The following ATF7IP2 variants were observed in gnomAD, a reference collection of about 807,000 sequenced individuals.
The protein encoded by ATF7IP2 is activating transcription factor 7-interacting protein 2.
A neutral mutation model predicts 64.2 loss-of-function variants in ATF7IP2; 42 were observed. The observed-to-expected ratio is 0.65, with a 90% CI of 0.51 to 0.85. ATF7IP2 has a LOEUF of 0.85. ATF7IP2 is among the 40% of genes least tolerant of loss of function. The pLI is 0.00. For missense variants in ATF7IP2, 933 were observed against 784.2 expected, an observed-to-expected ratio of 1.19 and a Z score of -2.27; for synonymous variants, 308 against 272.8, an observed-to-expected ratio of 1.13 and a Z score of -1.27.
At chr16:10,462,239 T>G (rs1281176152) in intron 9 of ATF7IP2, among the ~76,000 whole-genome samples, 1 of 152,134 alleles carries the variant, frequency 6.6e-6, no homozygotes, top group East Asian at 1.9e-4. Context: ...TCCTAGAGGA[T>G]GACTACTATG....
chr16:10,453,118 G>T (rs913968277), intron 8 of ATF7IP2, among the ~76,000 whole-genome samples: 1 of 152,124 alleles, frequency 6.6e-6, no homozygotes, highest in African/African-American at 2.4e-5. Context: ...GGCATTCTAG[G>T]CACCACTAGG....
intron 5 of ATF7IP2, 79 bp from the exon 6 acceptor site, chr16:10,433,446 A>T (rs1395334060): frequency 7.4e-7 from 1 of 1,353,682 alleles, no homozygotes; most frequent in Non-Finnish European, 1.0e-6. Flanking sequence ...GAGTGCTGGG[A>T]TTACAGACAT....
rs112594204 is a variant in ATF7IP2, at chr16:10,408,118, G to C, written c.-241-6456G>C. Among the ~76,000 whole-genome samples the C allele has an allele frequency of 5.1e-3, 778 of 152,054 alleles. 2 individuals carry two copies. Among genetic ancestry groups the C allele is most frequent in the Non-Finnish European group, 6.6e-3 (450 of 67,966 alleles). On this transcript the variant is annotated intron_variant, in intron 1 of 13. Transcript: ENST00000562102. ...GTAGAGGTGGGGTTTCACAATGTTGGCCAGGATGATCTTGATTTCCTGACC... is the reference window on the plus strand; with the variant it reads ...GTAGAGGTGGGGTTTCACAATGTTGCCCAGGATGATCTTGATTTCCTGACC...
chr16:10,478,261 A>G (rs1011734547), intron 12 of ATF7IP2, among the ~76,000 whole-genome samples: 4 of 150,334 alleles, frequency 2.7e-5, no homozygotes, highest in Admixed American at 1.3e-4. Flanking sequence ...CTATACTACA[A>G]GGCTACAGTA....
chr16:10,479,760 G>C (rs962364076), intron 12 of ATF7IP2, among the ~76,000 whole-genome samples: 10 of 151,886 alleles, frequency 6.6e-5, no homozygotes, highest in African/African-American at 2.4e-4. Context: ...CTGATCATCA[G>C]AGGAATGCAA....
intron 9 of ATF7IP2, among the ~76,000 whole-genome samples, chr16:10,470,147 T>A (rs2049737532): frequency 6.6e-6 from 1 of 152,142 alleles, no homozygotes; most frequent in African/African-American, 2.4e-5. Flanking sequence ...TTTGTTTCTT[T>A]ATAGTGTATA....
At chr16:10,405,759 C>T (rs2047625648) in intron 1 of ATF7IP2, among the ~76,000 whole-genome samples, 1 of 152,194 alleles carries the variant, frequency 6.6e-6, no homozygotes, top group Non-Finnish European at 1.5e-5. Context: ...TGGGTCCTGG[C>T]ACTAAGTTGG....
At position 10,430,637 on chromosome 16, in the gene ATF7IP2, G is replaced by C. The variant is rs1255441142; in HGVS notation, c.17G>C (p.Arg6Thr). The change falls in exon 5 of 14, where the codon AGA (arginine) becomes ACA (threonine). Residue 6 changes from arginine to threonine, a missense_variant. Physicochemically the swap from Arg to Thr is moderately conservative, Grantham distance 71 (BLOSUM62 -1). Transcript: ENST00000562102. ...ATATGAAAGATGGCAAGTCCAGATA[G>C]AAGTAAACGGAAGATATTAAAAGCC... Reference protein sequence around the residue: MASPDRSKRKILKAKK... With the variant: MASPDTSKRKILKAKK... 6.2e-7 allele frequency: 1 copy of C among 1,612,632 alleles called. No homozygotes were observed. The highest frequency in any genetic ancestry group is 1.7e-5 in the Admixed American group (1 of 59,886).
Position 10,457,511 on chromosome 16 carries a change from A to G in ATF7IP2, c.1334A>G (p.Asn445Ser), listed in dbSNP as rs748363076. 1.3e-6 allele frequency: 2 copies of G among 1,582,278 alleles called. No individual in the cohort carries two copies. Among genetic ancestry groups the G allele is most frequent in the Non-Finnish European group, 1.7e-6 (2 of 1,169,360 alleles). ...SKKINLSSDQ[N>S]KSVSESNNDD... ...AAAATTAATTTGTCATCAGATCAAA[A>G]TAAGTCTGTTTCTGAAAGGTAGGTG... Residue 445 changes from asparagine to serine, a missense_variant, in exon 9 of 14, where the codon AAT becomes AGT. Coordinates refer to ENST00000562102, the MANE Select transcript of ATF7IP2 (RefSeq NM_001393719.1).
At chr16:10,460,942 C>T (rs1056878842) in intron 9 of ATF7IP2, among the ~76,000 whole-genome samples, 2 of 152,074 alleles carry the variant, frequency 1.3e-5, no homozygotes, top group Admixed American at 6.5e-5. Context: ...CACATATAAC[C>T]TGTAGAGGAC....
chr16:10,470,284 T>C (rs765175661), intron 9 of ATF7IP2, among the ~76,000 whole-genome samples: 4 of 152,078 alleles, frequency 2.6e-5, no homozygotes, highest in South Asian at 2.1e-4. Flanking sequence ...ATGGATGCCA[T>C]TTACAATGAC....
chr16:10,396,174 C>T (rs1005450787), intron 1 of ATF7IP2, among the ~76,000 whole-genome samples: 5 of 152,006 alleles, frequency 3.3e-5, no homozygotes, highest in African/African-American at 9.7e-5. Flanking sequence ...AAAAGTAGTA[C>T]AAAACATATA....
chr16:10,386,313 C>T (rs982799050), intron 1 of ATF7IP2, 191 bp downstream of exon 1: 1 of 152,316 alleles, frequency 6.6e-6, no homozygotes, highest in African/African-American at 2.4e-5. Flanking sequence ...GAAGAGGCCC[C>T]TGAGGGGCGG....
intron 5 of ATF7IP2, among the ~76,000 whole-genome samples, chr16:10,432,626 T>C (rs1044945915): frequency 2.0e-5 from 3 of 152,120 alleles, no homozygotes; most frequent in Non-Finnish European, 4.4e-5. Flanking sequence ...CCCAGCACTT[T>C]GGAAGGTTGA....
intron 8 of ATF7IP2, 154 bp from the exon 9 acceptor site, chr16:10,457,218 A>C (rs2049199914): frequency 1.1e-5 from 7 of 611,152 alleles, no homozygotes; most frequent in Non-Finnish European, 1.9e-5. Context: ...TTGGCAGGCA[A>C]ATCACAATCA....
chr16:10,401,312 T>A (rs2047530246), intron 1 of ATF7IP2, among the ~76,000 whole-genome samples: 1 of 151,914 alleles, frequency 6.6e-6, no homozygotes, highest in Non-Finnish European at 1.5e-5. Flanking sequence ...GGATTACAGG[T>A]GCGTACCACC....
chr16:10,481,070 A>C, intron 13 of ATF7IP2, 106 bp downstream of exon 13: 2 of 786,220 alleles, frequency 2.5e-6, no homozygotes, highest in South Asian at 1.6e-5. Flanking sequence ...CTTAGACAAC[A>C]ATTTAGTGTG....
At chr16:10,462,636 A>G (rs979000969) in intron 9 of ATF7IP2, among the ~76,000 whole-genome samples, 5 of 152,110 alleles carry the variant, frequency 3.3e-5, no homozygotes, top group African/African-American at 1.2e-4. Flanking sequence ...GTTTTCATCA[A>G]TATACTATAA....
At chr16:10,388,184 C>A (rs1235127860) in intron 1 of ATF7IP2, among the ~76,000 whole-genome samples, 1 of 152,192 alleles carries the variant, frequency 6.6e-6, no homozygotes, top group East Asian at 1.9e-4. Context: ...AGTCTTAGCG[C>A]CCGGCCTATC....
Sources: gnomAD v4.1 joint callset for allele counts (sites outside exome capture counted in the v4.1 genomes callset) on GRCh38, gnomAD v4.1.1 for gene constraint, MANE v1.5 for transcripts, NCBI Gene and HGNC (gene_info 2026-07-23, HGNC 2026-07-21) for gene names.